SCUBE1: variants seen among roughly 807,000 people sequenced by gnomAD.
SCUBE1 encodes the protein signal peptide, CUB and EGF-like domain-containing protein 1.
SCUBE1 carries 59 observed loss-of-function variants against 124.4 expected under a neutral mutation model. The ratio of observed to expected loss-of-function variants is 0.47; its 90% CI spans 0.38 to 0.59. The LOEUF (loss-of-function observed/expected upper bound fraction) is 0.59, where lower values mean the gene tolerates loss of function less well. Among genes scored for constraint, SCUBE1 ranks in the 20% least tolerant of loss-of-function variants. SCUBE1 has a pLI of 0.00. For synonymous variants in SCUBE1, 545 were observed against 550.9 expected (o/e 0.99, Z 0.15); for missense variants, 1,150 against 1,371.2 (o/e 0.84, Z 2.55).
chr22:43,321,549 A>G (rs1376070361), intron 2 of SCUBE1, among the ~76,000 whole-genome samples: 1 of 152,230 alleles, frequency 6.6e-6, no homozygotes, highest in African/African-American at 2.4e-5. Flanking sequence ...TGAACGCGCC[A>G]GAGTAAGGGG....
intron 2 of SCUBE1, among the ~76,000 whole-genome samples, chr22:43,323,643 A>T (rs1291778954): frequency 6.6e-6 from 1 of 151,180 alleles, no homozygotes; most frequent in South Asian, 2.1e-4. Flanking sequence ...CAGATGAGAA[A>T]TCCTCTCATC....
rs746244005 is a variant in SCUBE1 at position 43,203,963 on chromosome 22, C to A, written c.*34G>T. The A allele has an allele frequency of 2.0e-5, 33 of 1,611,966 alleles. No homozygotes were observed. The Middle Eastern group carries it at 8.4e-4, about 41-fold the overall frequency. ...GGAGGGCAGGTGCACCCTCCGCGGA[C>A]CAGGCCACCCCCAGGCAGGGCCGCT... is the stretch of plus-strand genomic sequence containing the variant. On this transcript the variant is annotated 3_prime_UTR_variant, in exon 22 of 22. Coordinates refer to ENST00000360835, the MANE Select transcript of SCUBE1 (RefSeq NM_173050.5).
At chr22:43,311,898 T>G (rs1351448263) in intron 3 of SCUBE1, among the ~76,000 whole-genome samples, 1 of 152,148 alleles carries the variant, frequency 6.6e-6, no homozygotes, top group Non-Finnish European at 1.5e-5. Flanking sequence ...CCTCAAATGG[T>G]TCTAAGCCTA....
chr22:43,285,853 G>T (rs370579848), intron 4 of SCUBE1, among the ~76,000 whole-genome samples: 9 of 152,260 alleles, frequency 5.9e-5, no homozygotes, highest in Non-Finnish European at 1.3e-4. Flanking sequence ...AATGAGGGAC[G>T]ATGGCCATCT....
chr22:43,222,373 T>C (rs1269865444), intron 12 of SCUBE1, among the ~76,000 whole-genome samples: 4 of 152,202 alleles, frequency 2.6e-5, no homozygotes, highest in African/African-American at 4.8e-5. Context: ...CACAGCACGT[T>C]AGAGTCCCTG....
chr22:43,310,947 T>C (rs910316036), intron 3 of SCUBE1, among the ~76,000 whole-genome samples: 1 of 152,072 alleles, frequency 6.6e-6, no homozygotes, highest in African/African-American at 2.4e-5. Context: ...CCTGGCTAAT[T>C]TTTTAAATTT....
At chr22:43,312,541 C>A (rs917515573) in intron 3 of SCUBE1, among the ~76,000 whole-genome samples, 2 of 151,986 alleles carry the variant, frequency 1.3e-5, no homozygotes, top group African/African-American at 4.8e-5. Flanking sequence ...ACTGTGGAAG[C>A]AATGGCCATG....
At chr22:43,262,648 T>C in intron 5 of SCUBE1, 72 bp downstream of exon 5, 1 of 1,587,486 alleles carries the variant, frequency 6.3e-7, no homozygotes, top group Non-Finnish European at 8.6e-7. Flanking sequence ...TCCAGCAGAC[T>C]GGACAGACCC....
chr22:43,343,202 C>T lies in SCUBE1; in HGVS notation c.60G>A (p.Gly20=). 1.7e-6 allele frequency: 2 copies of T among 1,203,826 alleles called. No individual in the cohort carries two copies. The highest frequency in any genetic ancestry group is 5.5e-5 in the South Asian group (2 of 36,526). 74.6% of individuals were successfully genotyped at this position (1,203,826 alleles called of 1,614,324 possible). A position where few individuals can be genotyped will look rare whatever the true frequency, so the allele number is the denominator to read the frequency against. ...LCVLLALGTR[G]RLAGGSGLPG... is the part of the protein sequence containing the mutation. ...GGAGCCCGCTGCCCCCGGCCAGCCG[C>T]CCGCGTGTGCCCAGGGCCAGCAGCA... The change falls in exon 1 of 22, where the codon GGG becomes GGA. Residue 20 remains glycine (G), a synonymous_variant. Transcript: ENST00000360835.
chr22:43,266,853 G>A (rs1426146384), intron 4 of SCUBE1, among the ~76,000 whole-genome samples: 1 of 152,206 alleles, frequency 6.6e-6, no homozygotes, highest in Non-Finnish European at 1.5e-5. Flanking sequence ...AGCTCTCGGA[G>A]CAGCCCCTCC....
At chr22:43,338,438 C>T (rs993673838) in intron 2 of SCUBE1, among the ~76,000 whole-genome samples, 4 of 152,208 alleles carry the variant, frequency 2.6e-5, no homozygotes, top group Non-Finnish European at 1.5e-5. Context: ...GGGGGGCAAG[C>T]CCAGGTCTTT....
intron 1 of SCUBE1, among the ~76,000 whole-genome samples, chr22:43,342,566 C>T (rs1927358513): frequency 1.3e-5 from 2 of 151,780 alleles, no homozygotes; most frequent in Admixed American, 6.6e-5. Context: ...TCTCTCTCTC[C>T]CTTATCATCG....
chr22:43,229,057 G>T lies in SCUBE1; in HGVS notation c.1084+15C>A. 6.3e-7 allele frequency: 1 copy of T among 1,591,286 alleles called. No individual in the cohort carries two copies. On this transcript the variant is annotated intron_variant, in intron 9 of 21. Coordinates refer to ENST00000360835, the MANE Select transcript of SCUBE1 (RefSeq NM_173050.5). ...GCCTCGGGGGGGAGGTGGCCCTGGC[G>T]GGCAGGCTGCAGACCTCCGCAGTGG...
At chr22:43,219,772 G>A (rs1922010383) in intron 14 of SCUBE1, among the ~76,000 whole-genome samples, 1 of 152,070 alleles carries the variant, frequency 6.6e-6, no homozygotes, top group Non-Finnish European at 1.5e-5. Context: ...AGTGTGCCCA[G>A]CCAGACTAAG....
At chr22:43,317,429 C>T (rs556263230) in intron 3 of SCUBE1, among the ~76,000 whole-genome samples, 5 of 152,278 alleles carry the variant, frequency 3.3e-5, no homozygotes, top group East Asian at 1.9e-4. Context: ...TCCCCTGTGC[C>T]GAGCCTTTTT....
At chr22:43,301,459 G>A (rs1444659456) in intron 3 of SCUBE1, among the ~76,000 whole-genome samples, 1 of 152,168 alleles carries the variant, frequency 6.6e-6, no homozygotes, top group Non-Finnish European at 1.5e-5. Flanking sequence ...GACCCCAGCT[G>A]TCCTGTTCCC....
Position 43,210,306 on chromosome 22 carries a change from C to G in SCUBE1, c.2384-66G>C, listed in dbSNP as rs1267126564. ...GGGCAGGGGCCCTGGCCGGCCAGGCCTCTAACCACCTGGGAGGCCTAGGGC... is the reference window on the plus strand; with the variant it reads ...GGGCAGGGGCCCTGGCCGGCCAGGCGTCTAACCACCTGGGAGGCCTAGGGC... On this transcript the variant is annotated intron_variant, in intron 18 of 21. Transcript: ENST00000360835. This position sits in a 1 kb window ranked among gnomAD's most constrained non-coding sequence, Gnocchi z 4.5. 2 of 1,387,938 alleles carry G rather than the reference C, an allele frequency of 1.4e-6. No individual in the cohort carries two copies. Among genetic ancestry groups the G allele is most frequent in the Non-Finnish European group, 1.9e-6 (2 of 1,049,656 alleles). The allele number at this position is 1,387,938 out of a possible 1,614,324, so 86.0% of individuals were successfully genotyped here.
intron 1 of SCUBE1, among the ~76,000 whole-genome samples, chr22:43,341,153 G>A (rs1344897069): frequency 7.0e-6 from 1 of 143,170 alleles, no homozygotes; most frequent in Non-Finnish European, 1.6e-5. Context: ...TTCCGGGGGG[G>A]GCTACCCATC....
chr22:43,229,556 G>A (rs1922469074), intron 8 of SCUBE1, among the ~76,000 whole-genome samples: 3 of 152,172 alleles, frequency 2.0e-5, no homozygotes, highest in Admixed American at 2.0e-4. Flanking sequence ...GACTGCAGCT[G>A]GCCCCAGGGC....
Sources: gnomAD v4.1 joint callset for allele counts (sites outside exome capture counted in the v4.1 genomes callset) on GRCh38, gnomAD v4.1.1 for gene constraint, Gnocchi (gnomAD v3.1) non-coding constraint, MANE v1.5 for transcripts, NCBI Gene and HGNC (gene_info 2026-07-23, HGNC 2026-07-21) for gene names.